The following B3GALT1 variants were observed in gnomAD, a reference collection of about 807,000 sequenced individuals.
The protein encoded by B3GALT1 is UDP-Gal:betaGlcNAc beta 1,3-galactosyltransferase, polypeptide 1.
B3GALT1 carries 10 observed loss-of-function variants against 23.2 expected under a neutral mutation model. The observed-to-expected ratio is 0.43, with a 90% CI of 0.27 to 0.73. B3GALT1 has a LOEUF of 0.73. B3GALT1 is among the 30% of genes least tolerant of loss of function. The probability of loss-of-function intolerance (pLI) is 0.21; values close to 1 mark genes in which losing one functional copy is unlikely to be tolerated. For missense variants in B3GALT1, 299 were observed against 405.4 expected (o/e 0.74, Z 2.25); for synonymous variants, 156 against 141.5 (o/e 1.10, Z -0.73).
intron 2 of B3GALT1, among the ~76,000 whole-genome samples, chr2:167,521,981 T>TATATATATAC (rs1308275304): frequency 1.4e-5 from 1 of 71,304 alleles, no homozygotes; most frequent in East Asian, 1.9e-3. Context: ...TGTGTGTGTG[T>TATATATATAC]GTGTATATAT....
intron 2 of B3GALT1, among the ~76,000 whole-genome samples, chr2:167,620,362 A>G (rs1685234493): frequency 6.6e-6 from 1 of 152,108 alleles, no homozygotes; most frequent in Non-Finnish European, 1.5e-5. Flanking sequence ...ACTAGAGAAC[A>G]GGCAGAGGGA....
intron 4 of B3GALT1, among the ~76,000 whole-genome samples, chr2:167,836,803 A>G (rs1015474157): frequency 6.6e-6 from 1 of 152,252 alleles, no homozygotes; most frequent in African/African-American, 2.4e-5. Context: ...CACAAAGGGA[A>G]GCCCATCAGA....
At chr2:167,454,156 G>T (rs891014433) in intron 1 of B3GALT1, among the ~76,000 whole-genome samples, 1 of 152,144 alleles carries the variant, frequency 6.6e-6, no homozygotes, top group Admixed American at 6.5e-5. Flanking sequence ...CTATACAAAA[G>T]TGCAGATGAA....
chr2:167,704,260 A>G (rs1686936895), intron 3 of B3GALT1, among the ~76,000 whole-genome samples: 1 of 151,894 alleles, frequency 6.6e-6, no homozygotes, highest in African/African-American at 2.4e-5. Flanking sequence ...TATCCTGCCA[A>G]CTGTGACAGG....
intron 1 of B3GALT1, among the ~76,000 whole-genome samples, chr2:167,481,787 A>G (rs544109479): frequency 3.3e-4 from 50 of 152,214 alleles, no homozygotes; most frequent in Non-Finnish European, 6.6e-4. Context: ...GTATGGTGGT[A>G]GAGTTAATTG....
chr2:167,295,038 T>G (rs1482924896), intron 1 of B3GALT1, among the ~76,000 whole-genome samples: 4 of 152,232 alleles, frequency 2.6e-5, no homozygotes, highest in African/African-American at 7.2e-5. Flanking sequence ...TATTTTTCAT[T>G]GTAAAGATTC....
At chr2:167,793,226 A>G (rs1688477608) in intron 3 of B3GALT1, among the ~76,000 whole-genome samples, 1 of 152,142 alleles carries the variant, frequency 6.6e-6, no homozygotes, top group Non-Finnish European at 1.5e-5. Flanking sequence ...AACACGTGGC[A>G]GCATAAAGGG....
chr2:167,693,791 A>G (rs1686751217), intron 3 of B3GALT1, among the ~76,000 whole-genome samples: 2 of 152,020 alleles, frequency 1.3e-5, no homozygotes, highest in African/African-American at 4.8e-5. Context: ...ATGATTCTGA[A>G]CCATCTCCAA....
intron 1 of B3GALT1, among the ~76,000 whole-genome samples, chr2:167,450,606 T>G (rs1437830665): frequency 6.6e-6 from 1 of 152,218 alleles, no homozygotes; most frequent in Non-Finnish European, 1.5e-5. Flanking sequence ...CCTGGTGCTT[T>G]TGCCTCACAG....
intron 1 of B3GALT1, among the ~76,000 whole-genome samples, chr2:167,366,107 G>A (rs1050561783): frequency 2.6e-5 from 4 of 152,150 alleles, no homozygotes; most frequent in African/African-American, 9.6e-5. Context: ...TAATAATTTT[G>A]AAATACTTGT....
intron 1 of B3GALT1, among the ~76,000 whole-genome samples, chr2:167,488,480 A>G (rs1052826144): frequency 2.0e-5 from 3 of 152,224 alleles, no homozygotes; most frequent in African/African-American, 7.2e-5. Flanking sequence ...AAGTGGATAA[A>G]TGAATGAAGG....
intron 2 of B3GALT1, among the ~76,000 whole-genome samples, chr2:167,556,349 A>G (rs1272697702): frequency 6.6e-6 from 1 of 152,172 alleles, no homozygotes; most frequent in Non-Finnish European, 1.5e-5. Context: ...ACTTTACAAT[A>G]CTTTAATGTA....
At chr2:167,505,388 A>G (rs1182815241) in intron 2 of B3GALT1, among the ~76,000 whole-genome samples, 12 of 152,216 alleles carry the variant, frequency 7.9e-5, no homozygotes, top group Non-Finnish European at 1.5e-5. Context: ...TTTTCTAAAA[A>G]CAATAGACTT....
At chr2:167,467,117 T>G (rs1267563101) in intron 1 of B3GALT1, among the ~76,000 whole-genome samples, 1 of 151,920 alleles carries the variant, frequency 6.6e-6, no homozygotes, top group East Asian at 1.9e-4. Context: ...ATTTTTTTTT[T>G]TAGTCAACGT....
intron 2 of B3GALT1, among the ~76,000 whole-genome samples, chr2:167,615,665 T>A (rs952594656): frequency 6.6e-6 from 1 of 151,790 alleles, no homozygotes; most frequent in Admixed American, 6.6e-5. Flanking sequence ...TAAAAAAAAA[T>A]TGAAAAGCAA....
At chr2:167,587,412 T>G (rs1684601469) in intron 2 of B3GALT1, among the ~76,000 whole-genome samples, 1 of 152,220 alleles carries the variant, frequency 6.6e-6, no homozygotes, top group Non-Finnish European at 1.5e-5. Flanking sequence ...CTTGTAAAAC[T>G]CATACAAACT....
chr2:167,390,437 A>G (rs535448931), intron 1 of B3GALT1, among the ~76,000 whole-genome samples: 5 of 152,334 alleles, frequency 3.3e-5, no homozygotes, highest in Non-Finnish European at 5.9e-5. Flanking sequence ...AGAAGAAGCT[A>G]TTTTTAAAGA....
chr2:167,418,716 C>A (rs192816965), intron 1 of B3GALT1, among the ~76,000 whole-genome samples: 43 of 146,332 alleles, frequency 2.9e-4, no homozygotes, highest in African/African-American at 1.0e-3. Flanking sequence ...TTACTCTTGT[C>A]GCCCAGGCTG....
chr2:167,586,394 G>A (rs1684585977), intron 2 of B3GALT1, among the ~76,000 whole-genome samples: 2 of 152,128 alleles, frequency 1.3e-5, no homozygotes, highest in African/African-American at 4.8e-5. Flanking sequence ...CCGCCTCCAG[G>A]GTTCAAGTGA....
Sources: allele counts gnomAD v4.1 joint callset (sites outside exome capture counted in the v4.1 genomes callset), GRCh38; gene constraint gnomAD v4.1.1; transcripts MANE v1.5; gene names NCBI Gene and HGNC (gene_info 2026-07-23, HGNC 2026-07-21).